Variants in TM4SF18 observed in about 807,000 individuals in gnomAD.
TM4SF18 encodes the protein transmembrane 4 L six family member 18, also known as transmembrane 4 L6 family member 18.
In TM4SF18, 22 loss-of-function variants were observed where a neutral mutation model predicts 23.8. The ratio of observed to expected loss-of-function variants is 0.92; its 90% confidence interval spans 0.66 to 1.32. The LOEUF is 1.32. TM4SF18 is among the 40% of genes most tolerant of loss of function. The pLI is 0.00. For missense variants in TM4SF18, 255 were observed against 240.3 expected (o/e 1.06, Z -0.41); for synonymous variants, 87 against 87.9 (o/e 0.99, Z 0.06).
chr3:149,323,650 T>C (rs1028191750), intron 4 of TM4SF18, among the ~76,000 whole-genome samples: 16 of 152,248 alleles, frequency 1.1e-4, no homozygotes, highest in Admixed American at 5.9e-4. Flanking sequence ...GTTGAGGATG[T>C]ACACCACCTC....
At position 149,319,580 on chromosome 3, in the gene TM4SF18, A is replaced by G. The variant is rs941874752; in HGVS notation, c.*1898T>C. The G allele has an allele frequency of 6.6e-6, 1 of 152,238 alleles. No individual in the cohort carries two copies. Among genetic ancestry groups the G allele is most frequent in the African/African-American group, 2.4e-5 (1 of 41,472 alleles). The allele number at this position is 152,238 out of a possible 1,614,324, so 9.4% of individuals were successfully genotyped here. A position where few individuals can be genotyped will look rare whatever the true frequency, so the allele number is the denominator to read the frequency against. ...CTGATTTAGTCGGGGGTTTACTGAAATGATCAGCACAGTGACAAAGAAGAA... is the reference window on the plus strand; with the variant it reads ...CTGATTTAGTCGGGGGTTTACTGAAGTGATCAGCACAGTGACAAAGAAGAA... On this transcript the variant is annotated 3_prime_UTR_variant, in exon 6 of 6. Coordinates refer to ENST00000296059, the MANE Select transcript of TM4SF18 (RefSeq NM_138786.4).
At position 149,324,804 on chromosome 3, in the gene TM4SF18, A is replaced by G. The variant is rs536510724; in HGVS notation, c.410+76T>C. 8.2e-6 allele frequency: 13 copies of G among 1,585,456 alleles called. No homozygotes were observed. In the African/African-American group the frequency reaches 1.6e-4, roughly 20 times the overall value. On this transcript the variant is annotated intron_variant, in intron 4 of 5. Coordinates refer to ENST00000296059, the MANE Select transcript of TM4SF18 (RefSeq NM_138786.4). ...ATGGAACCCCAAAGTGATCATGGAA[A>G]ATGAGCGTGAGCTTGAGCATGAGGC...
At chr3:149,325,442 T>C (rs1730921904) in intron 3 of TM4SF18, among the ~76,000 whole-genome samples, 1 of 152,158 alleles carries the variant, frequency 6.6e-6, no homozygotes, top group Non-Finnish European at 1.5e-5. Flanking sequence ...TATTAAAATA[T>C]CTTTACAACA....
chr3:149,323,183 C>T (rs1730855453), intron 4 of TM4SF18, among the ~76,000 whole-genome samples: 1 of 152,168 alleles, frequency 6.6e-6, no homozygotes, highest in Non-Finnish European at 1.5e-5. Context: ...CAGGCATGAG[C>T]CACCGCGCCT....
At chr3:149,330,895 C>T (rs1244712266) in intron 2 of TM4SF18, among the ~76,000 whole-genome samples, 1 of 152,160 alleles carries the variant, frequency 6.6e-6, no homozygotes, top group Non-Finnish European at 1.5e-5. Context: ...GAAACCATAT[C>T]TCTTTAAAGT....
intron 3 of TM4SF18, among the ~76,000 whole-genome samples, chr3:149,326,421 T>C (rs1051748363): frequency 1.3e-5 from 2 of 152,196 alleles, no homozygotes; most frequent in African/African-American, 4.8e-5. Flanking sequence ...TGGTTAAGAG[T>C]ATCCTTCAGA....
chr3:149,326,851 C>G (rs1340770338), intron 3 of TM4SF18, among the ~76,000 whole-genome samples: 1 of 152,184 alleles, frequency 6.6e-6, no homozygotes, highest in Non-Finnish European at 1.5e-5. Flanking sequence ...TCATGTCATT[C>G]TTTGAACATT....
chr3:149,324,691 G>GA (rs1007338026), intron 4 of TM4SF18, 189 bp downstream of exon 4: 3 of 684,132 alleles, frequency 4.4e-6, no homozygotes, highest in African/African-American at 3.6e-5. Flanking sequence ...AAAGACTGAA[G>GA]AAAAAAATCT....
chr3:149,325,399 T>C (rs1302249476), intron 3 of TM4SF18, among the ~76,000 whole-genome samples: 1 of 152,216 alleles, frequency 6.6e-6, no homozygotes, highest in Non-Finnish European at 1.5e-5. Context: ...CTAAGAATTA[T>C]AAGCTATGAC....
At chr3:149,333,468 T>TTC (rs199549810) in intron 1 of TM4SF18, 45 bp downstream of exon 1, 10,222 of 415,514 alleles carry the variant, frequency 0.025, 964 homozygotes, top group East Asian at 0.067. Flanking sequence ...GACCTTTTTT[T>TTC]TCTCTCTCTC....
chr3:149,323,991 A>G (rs922656376), intron 4 of TM4SF18, among the ~76,000 whole-genome samples: 4 of 152,224 alleles, frequency 2.6e-5, no homozygotes, highest in African/African-American at 7.2e-5. Context: ...ATGTAGGCCT[A>G]GATGCACATG....
chr3:149,321,457 T>G lies in TM4SF18; in HGVS notation c.*21A>C. 1 of 1,553,938 alleles carries G rather than the reference T, an allele frequency of 6.4e-7. No individual in the cohort carries two copies. Among genetic ancestry groups the G allele is most frequent in the East Asian group, 2.3e-5 (1 of 43,702 alleles). The stretch of plus-strand genomic sequence containing the variant: ...TAGATAGATGGCCATGTCTTGATAA[T>G]GGAAAACATTTTGTCCTTATTCAAA... On this transcript the variant is annotated 3_prime_UTR_variant, in exon 6 of 6. Transcript: ENST00000296059.
chr3:149,330,256 T>G (rs1044346908), intron 3 of TM4SF18, 74 bp downstream of exon 3: 1 of 964,874 alleles, frequency 1.0e-6, no homozygotes, highest in Admixed American at 1.9e-5. Flanking sequence ...ACTGTCAATA[T>G]TTTTGTGTTT....
intron 2 of TM4SF18, among the ~76,000 whole-genome samples, chr3:149,331,230 T>C (rs1001716733): frequency 6.6e-6 from 1 of 152,182 alleles, no homozygotes; most frequent in Non-Finnish European, 1.5e-5. Flanking sequence ...GTTTCTAGTT[T>C]CCAAATTTCT....
chr3:149,321,377 A>G lies in TM4SF18; in HGVS notation c.*101T>C, dbSNP rs1730802368. 4.6e-6 allele frequency: 4 copies of G among 867,828 alleles called. No homozygotes were observed. Among genetic ancestry groups the G allele is most frequent in the Non-Finnish European group, 6.8e-6 (4 of 586,990 alleles). The allele number at this position is 867,828 out of a possible 1,614,324, so 53.8% of individuals were successfully genotyped here. On this transcript the variant is annotated 3_prime_UTR_variant, in exon 6 of 6. Transcript: ENST00000296059. ...TTTTTTACAAATAAACACCAAATGCAGAAAGCACCATCATTTCAATATTGC... is the reference window on the plus strand; with the variant it reads ...TTTTTTACAAATAAACACCAAATGCGGAAAGCACCATCATTTCAATATTGC...
At chr3:149,322,209 G>A (rs562094613) in intron 5 of TM4SF18, 47 bp downstream of exon 5, 1 of 1,514,012 alleles carries the variant, frequency 6.6e-7, no homozygotes, top group East Asian at 2.3e-5. Flanking sequence ...ATCCTGGGAA[G>A]TGGGGGAAAT....
Position 149,320,562 on chromosome 3 carries a change from G to T in TM4SF18, c.*916C>A, listed in dbSNP as rs1435279199. 6.6e-6 allele frequency: 1 copy of T among 152,136 alleles called. No homozygotes were observed. Among genetic ancestry groups the T allele is most frequent in the East Asian group, 1.9e-4 (1 of 5,190 alleles). 9.4% of individuals were successfully genotyped at this position (152,136 alleles called of 1,614,324 possible). The stretch of plus-strand genomic sequence containing the variant: ...CCATCACACTCACCCTCAGGAGTCA[G>T]AAAGGAAGAGCAAGAGTTTAGATTG... On this transcript the variant is annotated 3_prime_UTR_variant, in exon 6 of 6. Coordinates refer to ENST00000296059, the MANE Select transcript of TM4SF18 (RefSeq NM_138786.4).
chr3:149,321,196 C>T lies in TM4SF18; in HGVS notation c.*282G>A, dbSNP rs1730795650. 1 of 290,634 alleles carries T rather than the reference C, an allele frequency of 3.4e-6. No individual in the cohort carries two copies. Among genetic ancestry groups the T allele is most frequent in the Non-Finnish European group, 6.5e-6 (1 of 153,934 alleles). 18.0% of individuals were successfully genotyped at this position (290,634 alleles called of 1,614,324 possible). The stretch of plus-strand genomic sequence containing the variant: ...AATATACATATTTGCATAAAGGTTT[C>T]TCTCATATTCTTATTTACTTCCCTA... On this transcript the variant is annotated 3_prime_UTR_variant, in exon 6 of 6. Transcript: ENST00000296059.
chr3:149,326,941 T>C (rs567838447), intron 3 of TM4SF18, among the ~76,000 whole-genome samples: 1 of 152,030 alleles, frequency 6.6e-6, no homozygotes, highest in Non-Finnish European at 1.5e-5. Flanking sequence ...TGGGGTTTTG[T>C]TGTTGTTGTT....
Sources: allele counts gnomAD v4.1 joint callset (sites outside exome capture counted in the v4.1 genomes callset), GRCh38; gene constraint gnomAD v4.1.1; transcripts MANE v1.5; gene names NCBI Gene and HGNC (gene_info 2026-07-23, HGNC 2026-07-21).